Variants in GNAQ observed in about 807,000 individuals in gnomAD.
GNAQ encodes G protein subunit alpha q.
GNAQ carries 8 observed loss-of-function variants against 43.9 expected under a neutral mutation model. The ratio of observed to expected loss-of-function variants is 0.18; its 90% CI spans 0.11 to 0.33. The LOEUF is 0.33. Among genes scored for constraint, GNAQ ranks in the 10% least tolerant of loss-of-function variants. The probability of loss-of-function intolerance (pLI) is 1.00; values close to 1 mark genes in which losing one functional copy is unlikely to be tolerated. For synonymous variants in GNAQ, 155 were observed against 170.7 expected (o/e 0.91, Z 0.71); for missense variants, 158 against 450.8 (o/e 0.35, Z 5.88).
chr9:77,905,166 A>G (rs1828684063), intron 2 of GNAQ, among the ~76,000 whole-genome samples: 1 of 152,216 alleles, frequency 6.6e-6, no homozygotes, highest in African/African-American at 2.4e-5. Context: ...TTGAATGTGG[A>G]ACTTGGAACA....
intron 5 of GNAQ, among the ~76,000 whole-genome samples, chr9:77,751,572 G>A (rs1825811191): frequency 6.6e-6 from 1 of 152,148 alleles, no homozygotes; most frequent in Admixed American, 6.5e-5. Context: ...TTATAATGGG[G>A]TGGGTAGGTG....
chr9:77,787,924 G>A (rs946152793), intron 5 of GNAQ, among the ~76,000 whole-genome samples: 1 of 152,170 alleles, frequency 6.6e-6, no homozygotes, highest in African/African-American at 2.4e-5. Flanking sequence ...CAGCTACTTG[G>A]GAGGCTGAGA....
chr9:77,812,105 T>C (rs560190844), intron 3 of GNAQ, among the ~76,000 whole-genome samples: 1 of 152,160 alleles, frequency 6.6e-6, no homozygotes, highest in East Asian at 1.9e-4. Context: ...GCTGAAGAGA[T>C]AAAATCTTCT....
intron 5 of GNAQ, among the ~76,000 whole-genome samples, chr9:77,769,360 C>T (rs192692179): frequency 4.6e-4 from 70 of 150,798 alleles, no homozygotes; most frequent in Admixed American, 1.4e-3. Flanking sequence ...TGAGAGATTG[C>T]GCCACTGCAC....
chr9:77,914,691 T>C (rs1220434623), intron 2 of GNAQ, among the ~76,000 whole-genome samples: 1 of 151,766 alleles, frequency 6.6e-6, no homozygotes, highest in African/African-American at 2.4e-5. Flanking sequence ...GAGAAAACTC[T>C]CAAAGATTTA....
chr9:77,823,417 A>G (rs535374010), intron 2 of GNAQ, among the ~76,000 whole-genome samples: 1 of 152,308 alleles, frequency 6.6e-6, no homozygotes, highest in East Asian at 1.9e-4. Flanking sequence ...CTTTCCACTG[A>G]GAGTATAATA....
At chr9:77,863,105 C>T (rs953007441) in intron 2 of GNAQ, among the ~76,000 whole-genome samples, 4 of 151,534 alleles carry the variant, frequency 2.6e-5, no homozygotes, top group African/African-American at 9.7e-5. Flanking sequence ...ACCCGGGAGG[C>T]AGAAGTTGCA....
At chr9:77,894,197 T>G (rs896294713) in intron 2 of GNAQ, among the ~76,000 whole-genome samples, 2 of 150,270 alleles carry the variant, frequency 1.3e-5, no homozygotes, top group African/African-American at 4.9e-5. Flanking sequence ...TTATCTGTAC[T>G]ACATAGATAA....
rs1011145768 is a variant in GNAQ at position 77,719,435 on chromosome 9, GA to G, written c.*1887del. The G allele has an allele frequency of 6.1e-5, 14 of 230,180 alleles. No homozygotes were observed. The highest frequency in any genetic ancestry group is 1.6e-4 in the African/African-American group (7 of 45,038). 14.3% of individuals were successfully genotyped at this position (230,180 alleles called of 1,614,324 possible). On this transcript the variant is annotated 3_prime_UTR_variant, in exon 7 of 7. Transcript: ENST00000286548. ...AATTACAGGTACTTTCTGAGCAAGG[GA>G]AAAAAAAAGTAAGCTGTGTTGTTTG...
At chr9:77,852,512 G>A (rs1827686502) in intron 2 of GNAQ, among the ~76,000 whole-genome samples, 1 of 152,194 alleles carries the variant, frequency 6.6e-6, no homozygotes, top group Non-Finnish European at 1.5e-5. Flanking sequence ...CTTCCTCCTG[G>A]CTTTCATGCC....
chr9:77,915,681 C>T (rs2118241850), intron 2 of GNAQ, among the ~76,000 whole-genome samples: 1 of 152,178 alleles, frequency 6.6e-6, no homozygotes, highest in South Asian at 2.1e-4. Context: ...TAATCCCAAG[C>T]TTATTATATT....
At chr9:77,890,663 C>T (rs578233307) in intron 2 of GNAQ, among the ~76,000 whole-genome samples, 1 of 152,028 alleles carries the variant, frequency 6.6e-6, no homozygotes, top group South Asian at 2.1e-4. Flanking sequence ...GCGGAGGTTG[C>T]GGTGAGCCGA....
intron 1 of GNAQ, among the ~76,000 whole-genome samples, chr9:77,930,493 A>G (rs1433747437): frequency 6.6e-6 from 1 of 152,196 alleles, no homozygotes; most frequent in Non-Finnish European, 1.5e-5. Context: ...TGCACTATGA[A>G]AGAAACGATT....
chr9:77,904,499 C>CT (rs1828671703), intron 2 of GNAQ, among the ~76,000 whole-genome samples: 1 of 151,452 alleles, frequency 6.6e-6, no homozygotes, highest in African/African-American at 2.4e-5. Context: ...CGCCTGGCTA[C>CT]TTTTTTATAT....
chr9:77,761,933 T>C (rs1826036992), intron 5 of GNAQ, among the ~76,000 whole-genome samples: 1 of 119,862 alleles, frequency 8.3e-6, no homozygotes, highest in Non-Finnish European at 1.8e-5. Flanking sequence ...AGCCGCCCCG[T>C]CCGGGAGGGA....
intron 1 of GNAQ, among the ~76,000 whole-genome samples, chr9:77,958,151 T>C (rs1823065190): frequency 6.6e-6 from 1 of 152,208 alleles, no homozygotes; most frequent in African/African-American, 2.4e-5. Flanking sequence ...AAAACACAAA[T>C]ACTGTGTTCA....
intron 5 of GNAQ, among the ~76,000 whole-genome samples, chr9:77,763,685 T>C (rs919801064): frequency 6.6e-6 from 1 of 152,244 alleles, no homozygotes; most frequent in Non-Finnish European, 1.5e-5. Context: ...TTACTGTGAA[T>C]ACGACTGAGC....
At position 77,841,776 on chromosome 9, in the gene GNAQ, T is replaced by C. The variant is rs74398421; in HGVS notation, c.322-26006A>G. 4.6e-3 allele frequency among the ~76,000 whole-genome samples: 708 copies of C among 152,298 alleles called. 5 individuals carry two copies. The highest frequency in any genetic ancestry group is 0.016 in the African/African-American group (656 of 41,558). On this transcript the variant is annotated intron_variant, in intron 2 of 6. Transcript: ENST00000286548. ...CGTTCATTATATGGAAGACTCTGAC[T>C]AGACACCATCCTTAATACTCAAGTT...
At chr9:78,008,566 ATTTAT>A (rs1198632015) in intron 1 of GNAQ, among the ~76,000 whole-genome samples, 2 of 145,632 alleles carry the variant, frequency 1.4e-5, no homozygotes, top group African/African-American at 2.6e-5. Context: ...TTAACTATCG[ATTTAT>A]TTCATTTCAT....
Sources: gnomAD v4.1 joint callset for allele counts (sites outside exome capture counted in the v4.1 genomes callset) on GRCh38, gnomAD v4.1.1 for gene constraint, MANE v1.5 for transcripts, NCBI Gene and HGNC (gene_info 2026-07-23, HGNC 2026-07-21) for gene names.